DPP10: variants seen among roughly 807,000 people sequenced by gnomAD.
The protein encoded by DPP10 is dipeptidyl peptidase like 10.
Under a neutral mutation model 120.9 loss-of-function variants are expected in DPP10, and 33 were observed. That is an observed-to-expected ratio of 0.27 (90% CI 0.21 to 0.37). DPP10 has a LOEUF of 0.37. Ranked by LOEUF, DPP10 falls within the 10% of genes least tolerant of loss-of-function variation. The probability of loss-of-function intolerance (pLI) is 1.00; values close to 1 mark genes in which losing one functional copy is unlikely to be tolerated. For missense variants in DPP10, 816 were observed against 942.8 expected, an observed-to-expected ratio of 0.87 and a Z score of 1.76; for synonymous variants, 337 against 326.1, an observed-to-expected ratio of 1.03 and a Z score of -0.36.
At chr2:114,510,563 A>G (rs966686168) in intron 1 of DPP10, among the ~76,000 whole-genome samples, 2 of 152,202 alleles carry the variant, frequency 1.3e-5, no homozygotes, top group East Asian at 1.9e-4. Context: ...AGACTGCGCC[A>G]TTGCACTCCA....
At chr2:114,951,242 C>G (rs940499955) in intron 1 of DPP10, among the ~76,000 whole-genome samples, 22 of 152,098 alleles carry the variant, frequency 1.4e-4, no homozygotes, top group African/African-American at 5.1e-4. Flanking sequence ...AGGCTCAGCT[C>G]AAGAAAGCTC....
intron 3 of DPP10, among the ~76,000 whole-genome samples, chr2:115,376,679 C>T (rs1443146546): frequency 6.7e-6 from 1 of 149,948 alleles, no homozygotes; most frequent in Non-Finnish European, 1.5e-5. Flanking sequence ...TTAGGTATAT[C>T]TCCCAATGCT....
At chr2:115,554,149 T>A (rs528936280) in intron 5 of DPP10, among the ~76,000 whole-genome samples, 21 of 151,858 alleles carry the variant, frequency 1.4e-4, no homozygotes, top group Non-Finnish European at 2.8e-4. Context: ...GTGTTCTACC[T>A]AGAATTTTGA....
chr2:115,435,400 T>C (rs941411486), intron 3 of DPP10, among the ~76,000 whole-genome samples: 2 of 151,892 alleles, frequency 1.3e-5, no homozygotes, highest in African/African-American at 4.8e-5. Flanking sequence ...TTAACTGTGA[T>C]GAGATGGTGT....
chr2:115,530,369 G>A (rs1438257989), intron 5 of DPP10, among the ~76,000 whole-genome samples: 1 of 152,044 alleles, frequency 6.6e-6, no homozygotes, highest in African/African-American at 2.4e-5. Context: ...ATATATGGTA[G>A]TTTCAAAGAA....
chr2:115,716,682 T>TA (rs879569137), intron 7 of DPP10, among the ~76,000 whole-genome samples: 46 of 151,246 alleles, frequency 3.0e-4, no homozygotes, highest in East Asian at 1.4e-3. Context: ...AAGAATATAG[T>TA]AAAAAAAAAG....
chr2:115,561,358 C>CAAAAAA (rs11421762), intron 5 of DPP10, among the ~76,000 whole-genome samples: 3 of 59,812 alleles, frequency 5.0e-5, no homozygotes, highest in African/African-American at 1.4e-4. Context: ...GACTCCATCA[C>CAAAAAA]AAAAAAAAAA....
At chr2:115,138,814 A>G (rs1459374240) in intron 1 of DPP10, among the ~76,000 whole-genome samples, 1 of 152,198 alleles carries the variant, frequency 6.6e-6, no homozygotes, top group Non-Finnish European at 1.5e-5. Flanking sequence ...ATACTCGATC[A>G]ATATCTGTTT....
intron 5 of DPP10, among the ~76,000 whole-genome samples, chr2:115,612,481 A>G (rs1289207583): frequency 6.6e-6 from 1 of 152,198 alleles, no homozygotes; most frequent in African/African-American, 2.4e-5. Flanking sequence ...AAAATGCAAC[A>G]TTATCATTAT....
At chr2:115,465,063 ATATATT>A (rs1218979750) in intron 3 of DPP10, among the ~76,000 whole-genome samples, 1 of 152,168 alleles carries the variant, frequency 6.6e-6, no homozygotes, top group Non-Finnish European at 1.5e-5. Context: ...AGAGCAGAAA[ATATATT>A]TAAAAAGCAA....
chr2:115,183,410 C>A (rs765346221), intron 1 of DPP10, among the ~76,000 whole-genome samples: 59 of 152,102 alleles, frequency 3.9e-4, no homozygotes, highest in Non-Finnish European at 7.8e-4. Flanking sequence ...TCCAATAGAA[C>A]CTTTTTCTTG....
chr2:115,325,719 T>G (rs1035146331), intron 2 of DPP10, among the ~76,000 whole-genome samples: 2 of 152,096 alleles, frequency 1.3e-5, no homozygotes, highest in African/African-American at 4.8e-5. Flanking sequence ...AAAGTTATGT[T>G]TTTCAAAACA....
At chr2:114,942,360 TAC>T (rs879909767) in intron 1 of DPP10, among the ~76,000 whole-genome samples, 1 of 116,636 alleles carries the variant, frequency 8.6e-6, no homozygotes, top group Admixed American at 9.9e-5. Context: ...CATATATATA[TAC>T]ATATATATAC....
At chr2:115,474,068 A>G (rs2074912291) in intron 3 of DPP10, among the ~76,000 whole-genome samples, 1 of 152,198 alleles carries the variant, frequency 6.6e-6, no homozygotes, top group African/African-American at 2.4e-5. Context: ...GAATGACTCA[A>G]TCCTGTCAAT....
chr2:114,786,199 C>G (rs1335162653), intron 1 of DPP10, among the ~76,000 whole-genome samples: 1 of 152,212 alleles, frequency 6.6e-6, no homozygotes, highest in Non-Finnish European at 1.5e-5. Flanking sequence ...CTAAATTATT[C>G]TATAGTGTGA....
At chr2:115,091,288 T>C (rs530121821) in intron 1 of DPP10, among the ~76,000 whole-genome samples, 3 of 152,228 alleles carry the variant, frequency 2.0e-5, no homozygotes, top group Non-Finnish European at 4.4e-5. Flanking sequence ...TTCACACTTC[T>C]AAACTTCATC....
chr2:114,773,196 G>A (rs181532770), intron 1 of DPP10, among the ~76,000 whole-genome samples: 120 of 152,246 alleles, frequency 7.9e-4, no homozygotes, highest in African/African-American at 2.7e-3. Flanking sequence ...ATCCATATTT[G>A]CCAGTGATTG....
intron 1 of DPP10, among the ~76,000 whole-genome samples, chr2:115,108,645 C>A (rs1025951735): frequency 5.9e-5 from 9 of 151,894 alleles, no homozygotes; most frequent in Non-Finnish European, 1.3e-4. Flanking sequence ...TAACCAAAGT[C>A]TGAAAAAAAA....
At chr2:114,904,792 AAG>A in intron 1 of DPP10, among the ~76,000 whole-genome samples, 1 of 152,308 alleles carries the variant, frequency 6.6e-6, no homozygotes, top group South Asian at 2.1e-4. Context: ...ATCCTTTAAA[AAG>A]AGAGAGAAAT....
Sources: gnomAD v4.1 joint callset for allele counts (sites outside exome capture counted in the v4.1 genomes callset) on GRCh38, gnomAD v4.1.1 for gene constraint, MANE v1.5 for transcripts, NCBI Gene and HGNC (gene_info 2026-07-23, HGNC 2026-07-21) for gene names.